NTRK2: variants seen among roughly 807,000 people sequenced by gnomAD.
NTRK2 encodes BDNF/NT-3 growth factors receptor.
In NTRK2, 13 loss-of-function variants were observed where a neutral mutation model predicts 94.5. The ratio of observed to expected loss-of-function variants is 0.14; its 90% CI spans 0.09 to 0.22. NTRK2 has a LOEUF of 0.22. Among genes scored for constraint, NTRK2 ranks in the 10% least tolerant of loss-of-function variants. NTRK2 has a pLI of 1.00. For missense variants in NTRK2, 639 were observed against 1,071.2 expected, an observed-to-expected ratio of 0.60 and a Z score of 5.63; for synonymous variants, 372 against 407.4, an observed-to-expected ratio of 0.91 and a Z score of 1.05.
At chr9:84,821,250 G>A (rs1301864263) in intron 12 of NTRK2, among the ~76,000 whole-genome samples, 9 of 151,868 alleles carry the variant, frequency 5.9e-5, no homozygotes, top group East Asian at 3.9e-4. Flanking sequence ...TTGGTTGGGC[G>A]GAATGTACTT....
chr9:85,000,119 C>G (rs993406420), intron 17 of NTRK2, among the ~76,000 whole-genome samples: 3 of 152,080 alleles, frequency 2.0e-5, no homozygotes, highest in Non-Finnish European at 4.4e-5. Flanking sequence ...AGGTTTATAG[C>G]AAAGTGGAAC....
intron 6 of NTRK2, among the ~76,000 whole-genome samples, chr9:84,720,915 T>C (rs1476780950): frequency 1.3e-5 from 2 of 152,154 alleles, no homozygotes; most frequent in South Asian, 2.1e-4. Flanking sequence ...ATAGAGCAAA[T>C]AAATGAAAAG....
At chr9:85,015,432 G>A (rs1003320628) in intron 17 of NTRK2, among the ~76,000 whole-genome samples, 2 of 152,092 alleles carry the variant, frequency 1.3e-5, no homozygotes, top group African/African-American at 4.8e-5. Context: ...TGGTTCTATC[G>A]AGAGTTTACA....
At chr9:84,915,732 C>T (rs1484974467) in intron 14 of NTRK2, among the ~76,000 whole-genome samples, 2 of 152,178 alleles carry the variant, frequency 1.3e-5, no homozygotes, top group South Asian at 2.1e-4. Context: ...AGTACATCTA[C>T]TCCATCTTCC....
chr9:85,021,244 C>T lies in NTRK2; in HGVS notation c.2332-8C>T, dbSNP rs200515461. On this transcript the variant is annotated splice_polypyrimidine_tract_variant and splice_region_variant and intron_variant, in intron 18 of 18. Coordinates refer to ENST00000277120, the MANE Select transcript of NTRK2 (RefSeq NM_006180.6). ...TCCTGTCTCATCCTATCTTTGATCT[C>T]CATCCAGGTGATAGAGTGTATCACT... 1 of 1,613,626 alleles carries T rather than the reference C, an allele frequency of 6.2e-7. No individual in the cohort carries two copies. The highest frequency in any genetic ancestry group is 1.7e-5 in the Admixed American group (1 of 60,016).
At chr9:84,681,757 A>T (rs2059406329) in intron 2 of NTRK2, among the ~76,000 whole-genome samples, 1 of 152,128 alleles carries the variant, frequency 6.6e-6, no homozygotes. Flanking sequence ...TTATCCTGTC[A>T]CTGCTTATAA....
chr9:84,890,968 T>A (rs994654093), intron 14 of NTRK2, among the ~76,000 whole-genome samples: 2 of 152,252 alleles, frequency 1.3e-5, no homozygotes, highest in African/African-American at 4.8e-5. Flanking sequence ...ATATGCTTTG[T>A]GATCTAATTC....
chr9:84,819,328 C>G (rs752933099), intron 12 of NTRK2, among the ~76,000 whole-genome samples: 8 of 152,162 alleles, frequency 5.3e-5, no homozygotes, highest in Admixed American at 4.6e-4. Flanking sequence ...CACCTCAAGC[C>G]CCTTGAGTCG....
intron 13 of NTRK2, among the ~76,000 whole-genome samples, chr9:84,865,498 A>G (rs1383204620): frequency 6.6e-6 from 1 of 152,202 alleles, no homozygotes; most frequent in African/African-American, 2.4e-5. Flanking sequence ...ATGAGATATT[A>G]TTATATTTCA....
intron 17 of NTRK2, among the ~76,000 whole-genome samples, chr9:84,997,522 C>A (rs547122419): frequency 1.2e-4 from 19 of 152,134 alleles, no homozygotes; most frequent in African/African-American, 2.4e-4. Flanking sequence ...ATCCCTGTAC[C>A]AGAAAAGGGA....
intron 2 of NTRK2, among the ~76,000 whole-genome samples, chr9:84,675,216 G>A (rs1483420840): frequency 6.6e-6 from 1 of 151,614 alleles, no homozygotes; most frequent in Non-Finnish European, 1.5e-5. Context: ...TATTCTGTAT[G>A]ATCTCTTTGA....
intron 12 of NTRK2, among the ~76,000 whole-genome samples, chr9:84,782,190 T>C (rs2067655189): frequency 6.6e-6 from 1 of 152,160 alleles, no homozygotes; most frequent in South Asian, 2.1e-4. Flanking sequence ...CCATCTCTGG[T>C]TCCATAGGGA....
In NTRK2 at chr9:84,670,357, G is replaced by C; in HGVS notation, c.-372-20G>C. 2 of 369,744 alleles carry C rather than the reference G, an allele frequency of 5.4e-6. No homozygotes were observed. Among genetic ancestry groups the C allele is most frequent in the Non-Finnish European group, 1.0e-5 (2 of 200,650 alleles). The allele number at this position is 369,744 out of a possible 1,614,324, so 22.9% of individuals were successfully genotyped here. On this transcript the variant is annotated intron_variant, in intron 1 of 18. Coordinates refer to ENST00000277120, the MANE Select transcript of NTRK2 (RefSeq NM_006180.6). Reference sequence around the variant, plus strand: ...TTGGGGGTCCTACGCTCAGTCTTACGCGTGTCTGTTTGTCCTCAGCCTCGA... The same window carrying C: ...TTGGGGGTCCTACGCTCAGTCTTACCCGTGTCTGTTTGTCCTCAGCCTCGA...
chr9:84,870,331 GTATATATATATA>G lies in NTRK2; in HGVS notation c.1633+2923_1633+2934del, dbSNP rs1158637577. ...ATACATATATGTGGGGTGTGTGTGT[GTATATATATATA>G]TATATATATATATATATATATAAAA... On this transcript the variant is annotated intron_variant, in intron 14 of 18. Transcript: ENST00000277120. Among the ~76,000 whole-genome samples, 69 of 31,184 alleles carry G rather than the reference GTATATATATATA, an allele frequency of 2.2e-3. 2 individuals are homozygous for G. Among genetic ancestry groups the G allele is most frequent in the South Asian group, 0.015 (5 of 330 alleles). 20.5% of individuals were successfully genotyped at this position (31,184 alleles called of 152,430 possible).
At chr9:84,763,212 G>A (rs1024324621) in intron 12 of NTRK2, among the ~76,000 whole-genome samples, 10 of 151,888 alleles carry the variant, frequency 6.6e-5, no homozygotes, top group Admixed American at 2.6e-4. Context: ...AACTTCTCTC[G>A]TCTTCCAAGA....
chr9:84,718,617 C>T (rs574251753), intron 6 of NTRK2, among the ~76,000 whole-genome samples: 109 of 152,266 alleles, frequency 7.2e-4, no homozygotes, highest in Middle Eastern at 3.4e-3. Context: ...AGCGAGGTTC[C>T]CCAGAGTGCA....
intron 15 of NTRK2, among the ~76,000 whole-genome samples, chr9:84,940,937 T>G (rs987529810): frequency 1.3e-5 from 2 of 152,204 alleles, no homozygotes; most frequent in Non-Finnish European, 2.9e-5. Context: ...CTCCTTCCCA[T>G]GTTTCCACTT....
intron 12 of NTRK2, among the ~76,000 whole-genome samples, chr9:84,809,910 G>A (rs747638992): frequency 4.6e-4 from 67 of 146,886 alleles, no homozygotes; most frequent in Non-Finnish European, 8.7e-4. Flanking sequence ...AAAGAAAGAA[G>A]AGAGAAGAAT....
chr9:84,961,248 A>G (rs538507501), intron 17 of NTRK2, among the ~76,000 whole-genome samples: 1 of 152,302 alleles, frequency 6.6e-6, no homozygotes, highest in African/African-American at 2.4e-5. Flanking sequence ...TCTCATTTGC[A>G]TGGATCATTT....
Sources: allele counts gnomAD v4.1 joint callset (sites outside exome capture counted in the v4.1 genomes callset), GRCh38; gene constraint gnomAD v4.1.1; transcripts MANE v1.5; gene names NCBI Gene and HGNC (gene_info 2026-07-23, HGNC 2026-07-21).